GFRA1: variants seen among roughly 807,000 people sequenced by gnomAD.
GFRA1 encodes the protein GDNF family receptor alpha 1, also known as GDNF family receptor alpha-1.
Under a neutral mutation model 51.6 loss-of-function variants are expected in GFRA1, and 16 were observed. That is an observed-to-expected ratio of 0.31 (90% CI 0.21 to 0.47). GFRA1 has a LOEUF of 0.47. GFRA1 is among the 20% of genes least tolerant of loss of function. The probability of loss-of-function intolerance (pLI) is 1.00; values close to 1 mark genes in which losing one functional copy is unlikely to be tolerated. For synonymous variants in GFRA1, 270 were observed against 241.3 expected (o/e 1.12, Z -1.10); for missense variants, 530 against 594.3 (o/e 0.89, Z 1.13).
intron 6 of GFRA1, among the ~76,000 whole-genome samples, chr10:116,115,320 C>T (rs1347026596): frequency 1.3e-5 from 2 of 151,952 alleles, no homozygotes; most frequent in African/African-American, 2.4e-5. Flanking sequence ...AGACCCAGGC[C>T]CACACTGGCC....
chr10:116,208,656 G>A (rs1005029252), intron 5 of GFRA1, among the ~76,000 whole-genome samples: 1 of 152,118 alleles, frequency 6.6e-6, no homozygotes. Flanking sequence ...GCCCACTTAC[G>A]CTTTAAAATG....
chr10:116,078,056 A>G (rs1287049376), intron 9 of GFRA1, among the ~76,000 whole-genome samples: 1 of 152,198 alleles, frequency 6.6e-6, no homozygotes, highest in Non-Finnish European at 1.5e-5. Context: ...AGGGTGCCAC[A>G]CATATGTACC....
chr10:116,261,668 T>C (rs1969312723), intron 4 of GFRA1, among the ~76,000 whole-genome samples: 1 of 152,222 alleles, frequency 6.6e-6, no homozygotes, highest in African/African-American at 2.4e-5. Context: ...GAAAGACATA[T>C]GCCAAGATCA....
intron 6 of GFRA1, among the ~76,000 whole-genome samples, chr10:116,114,572 AT>A (rs1402864552): frequency 1.3e-5 from 2 of 151,928 alleles, no homozygotes; most frequent in Non-Finnish European, 2.9e-5. Flanking sequence ...TTTATTTTTA[AT>A]TTTTTTAGAG....
intron 5 of GFRA1, among the ~76,000 whole-genome samples, chr10:116,205,596 G>GATATATATATATAT (rs140642664): frequency 3.6e-5 from 5 of 140,604 alleles, no homozygotes; most frequent in African/African-American, 1.3e-4. Context: ...AAAAAAAAAA[G>GATATATATATATAT]ATATATATAT....
At chr10:116,243,792 G>A (rs185963914) in intron 4 of GFRA1, among the ~76,000 whole-genome samples, 17 of 152,202 alleles carry the variant, frequency 1.1e-4, no homozygotes, top group Admixed American at 1.3e-4. Flanking sequence ...CACAGGCCCT[G>A]GTCAAGGAAA....
intron 9 of GFRA1, among the ~76,000 whole-genome samples, chr10:116,085,678 T>C (rs955288495): frequency 6.6e-6 from 1 of 152,060 alleles, no homozygotes; most frequent in Admixed American, 6.6e-5. Context: ...CCTTCACTCA[T>C]CACTCTCTCA....
chr10:116,206,728 G>A (rs1411597889), intron 5 of GFRA1, among the ~76,000 whole-genome samples: 3 of 144,958 alleles, frequency 2.1e-5, no homozygotes, highest in African/African-American at 2.6e-5. Context: ...CGCCTCCCGG[G>A]TTCACGCCAT....
chr10:116,207,178 T>G (rs1392597361), intron 5 of GFRA1, among the ~76,000 whole-genome samples: 1 of 108,968 alleles, frequency 9.2e-6, no homozygotes, highest in Non-Finnish European at 1.9e-5. Flanking sequence ...ATTTTACAGA[T>G]GAGGAAACTG....
chr10:116,191,072 A>G (rs1004158916), intron 5 of GFRA1, among the ~76,000 whole-genome samples: 1 of 152,348 alleles, frequency 6.6e-6, no homozygotes, highest in East Asian at 1.9e-4. Flanking sequence ...TATCAATGCA[A>G]TAATTTCTGG....
At chr10:116,109,653 C>T (rs1206259870) in intron 6 of GFRA1, among the ~76,000 whole-genome samples, 1 of 152,074 alleles carries the variant, frequency 6.6e-6, no homozygotes, top group Non-Finnish European at 1.5e-5. Flanking sequence ...TAGGGCTCCC[C>T]GGGCCCACGG....
intron 9 of GFRA1, among the ~76,000 whole-genome samples, chr10:116,071,245 G>T (rs990249983): frequency 6.6e-6 from 1 of 152,138 alleles, no homozygotes; most frequent in East Asian, 1.9e-4. Context: ...GGACTGTCTG[G>T]TCTCCTCTAC....
intron 6 of GFRA1, among the ~76,000 whole-genome samples, chr10:116,107,806 A>G (rs1257758569): frequency 6.6e-6 from 1 of 152,194 alleles, no homozygotes; most frequent in African/African-American, 2.4e-5. Flanking sequence ...AAATTATTAT[A>G]GAAATTATCC....
At chr10:116,089,972 AACAG>A (rs756239587) in intron 8 of GFRA1, 50 bp from the exon 9 acceptor site, 53 of 1,508,270 alleles carry the variant, frequency 3.5e-5, no homozygotes, top group South Asian at 8.2e-5. Flanking sequence ...CAGCAAACGT[AACAG>A]ACAGGATATA....
intron 6 of GFRA1, among the ~76,000 whole-genome samples, chr10:116,099,057 T>C (rs1956717332): frequency 6.6e-6 from 1 of 152,156 alleles, no homozygotes; most frequent in South Asian, 2.1e-4. Context: ...TTTTATCACA[T>C]TTGACCACCT....
rs560378947 is a variant in GFRA1, at chr10:116,095,677, A to T, written c.880+978T>A. 1.0e-3 allele frequency among the ~76,000 whole-genome samples: 155 copies of T among 152,204 alleles called. 2 individuals are homozygous for T. Among genetic ancestry groups the T allele is most frequent in the African/African-American group, 3.6e-3 (149 of 41,542 alleles). Reference sequence around the variant, plus strand: ...ATCCCTGCATTAAGTACCATTATTGATTTTCCCAAAGCCGCCTGCTGAAGA... The same window carrying T: ...ATCCCTGCATTAAGTACCATTATTGTTTTTCCCAAAGCCGCCTGCTGAAGA... On this transcript the variant is annotated intron_variant, in intron 7 of 10. Coordinates refer to ENST00000355422, the MANE Select transcript of GFRA1 (RefSeq NM_005264.8).
At chr10:116,205,377 A>G (rs1486091645) in intron 5 of GFRA1, among the ~76,000 whole-genome samples, 1 of 152,034 alleles carries the variant, frequency 6.6e-6, no homozygotes, top group South Asian at 2.1e-4. Flanking sequence ...GGAGATCAAG[A>G]CCATCTCGCC....
intron 5 of GFRA1, among the ~76,000 whole-genome samples, chr10:116,200,213 C>A (rs1412261287): frequency 6.6e-6 from 1 of 152,154 alleles, no homozygotes; most frequent in Non-Finnish European, 1.5e-5. Flanking sequence ...GCTTTCATTT[C>A]TCTGGGGCCT....
chr10:116,096,011 G>A (rs1001729815), intron 7 of GFRA1, among the ~76,000 whole-genome samples: 2 of 151,982 alleles, frequency 1.3e-5, no homozygotes, highest in East Asian at 3.9e-4. Flanking sequence ...TGACTCTCAC[G>A]GCAGTCATGC....
Sources: allele counts gnomAD v4.1 joint callset (sites outside exome capture counted in the v4.1 genomes callset), GRCh38; gene constraint gnomAD v4.1.1; transcripts MANE v1.5; gene names NCBI Gene and HGNC (gene_info 2026-07-23, HGNC 2026-07-21).